NKAIN2: variants seen among roughly 807,000 people sequenced by gnomAD.
NKAIN2 encodes the protein sodium/potassium transporting ATPase interacting 2, also known as sodium/potassium-transporting ATPase subunit beta-1-interacting protein 2.
A neutral mutation model predicts 32.6 loss-of-function variants in NKAIN2; 14 were observed. That is an observed-to-expected ratio of 0.43 (90% CI 0.28 to 0.67). The LOEUF is 0.67. NKAIN2 is among the 30% of genes least tolerant of loss of function. The pLI, the probability that NKAIN2 is intolerant of heterozygous loss-of-function variation, is 0.17. For synonymous variants in NKAIN2, 80 were observed against 87.2 expected (o/e 0.92, Z 0.46); for missense variants, 198 against 258.3 (o/e 0.77, Z 1.60).
chr6:124,726,138 C>T (rs1161282619), intron 4 of NKAIN2, among the ~76,000 whole-genome samples: 11 of 152,186 alleles, frequency 7.2e-5, no homozygotes, highest in Non-Finnish European at 1.3e-4. Flanking sequence ...GGGAGGGGCG[C>T]CCACCATTGC....
chr6:123,874,229 C>T (rs1009512063), intron 1 of NKAIN2, among the ~76,000 whole-genome samples: 2 of 152,166 alleles, frequency 1.3e-5, no homozygotes, highest in African/African-American at 2.4e-5. Flanking sequence ...TTCCTTCCCT[C>T]TTCTGCTGAA....
At chr6:124,796,424 C>T (rs930009209) in intron 5 of NKAIN2, among the ~76,000 whole-genome samples, 2 of 152,136 alleles carry the variant, frequency 1.3e-5, no homozygotes, top group African/African-American at 4.8e-5. Context: ...AGGGGGATCA[C>T]AATTCAGTCC....
At chr6:124,240,320 A>G (rs552267412) in intron 1 of NKAIN2, among the ~76,000 whole-genome samples, 4 of 152,152 alleles carry the variant, frequency 2.6e-5, no homozygotes, top group African/African-American at 9.7e-5. Flanking sequence ...AGAGGTACAA[A>G]GAGAAGCTGG....
At chr6:124,789,235 G>C (rs371890243) in intron 4 of NKAIN2, among the ~76,000 whole-genome samples, 15 of 152,118 alleles carry the variant, frequency 9.9e-5, no homozygotes, top group African/African-American at 3.4e-4. Context: ...TTGTTACCTA[G>C]ATTTTCATTT....
chr6:124,476,049 AGAGAGAGAGAGAGAGAGTGTGTGT>A (rs1562208544), intron 3 of NKAIN2, among the ~76,000 whole-genome samples: 5 of 105,148 alleles, frequency 4.8e-5, no homozygotes, highest in African/African-American at 1.9e-4. Context: ...TGTGTGTGTG[AGAGAGAGAGAGAGAGAGTGTGTGT>A]GTGTGTGTGT....
chr6:124,622,291 A>G (rs1777377875), intron 3 of NKAIN2, among the ~76,000 whole-genome samples: 1 of 152,130 alleles, frequency 6.6e-6, no homozygotes. Context: ...TGCAGACCCT[A>G]TGTGAAAAAT....
intron 2 of NKAIN2, among the ~76,000 whole-genome samples, chr6:124,338,429 T>C (rs1797972570): frequency 6.6e-6 from 1 of 152,182 alleles, no homozygotes; most frequent in Admixed American, 6.5e-5. Flanking sequence ...TGTAATTCAT[T>C]ATTCTAACTA....
intron 3 of NKAIN2, among the ~76,000 whole-genome samples, chr6:124,399,043 C>T (rs772673478): frequency 1.3e-5 from 2 of 152,072 alleles, no homozygotes; most frequent in Non-Finnish European, 2.9e-5. Flanking sequence ...TCTCTTGCCT[C>T]ATTATCCTGA....
intron 3 of NKAIN2, among the ~76,000 whole-genome samples, chr6:124,527,149 C>G (rs1779349261): frequency 6.6e-6 from 1 of 152,230 alleles, no homozygotes; most frequent in East Asian, 1.9e-4. Context: ...CAATGCAAGT[C>G]TTGTGTTTAC....
At chr6:124,428,819 A>G (rs1256341843) in intron 3 of NKAIN2, among the ~76,000 whole-genome samples, 1 of 152,168 alleles carries the variant, frequency 6.6e-6, no homozygotes, top group African/African-American at 2.4e-5. Flanking sequence ...AGGTATGTGC[A>G]TCTCTAAGTA....
At chr6:124,094,172 C>T (rs937861478) in intron 1 of NKAIN2, among the ~76,000 whole-genome samples, 1 of 152,106 alleles carries the variant, frequency 6.6e-6, no homozygotes. Context: ...TGAATATTTA[C>T]AATACTTTTT....
intron 1 of NKAIN2, among the ~76,000 whole-genome samples, chr6:124,192,139 G>A (rs370324110): frequency 1.3e-3 from 193 of 151,942 alleles, no homozygotes; most frequent in African/African-American, 4.6e-3. Context: ...TACTCACTCT[G>A]GGCTACATTG....
At chr6:124,731,812 C>G (rs1776693100) in intron 4 of NKAIN2, among the ~76,000 whole-genome samples, 1 of 152,062 alleles carries the variant, frequency 6.6e-6, no homozygotes, top group South Asian at 2.1e-4. Flanking sequence ...TTCTAAGAAG[C>G]TATCTGGAAC....
intron 1 of NKAIN2, among the ~76,000 whole-genome samples, chr6:124,187,355 T>G (rs1288287874): frequency 2.6e-5 from 4 of 152,198 alleles, no homozygotes; most frequent in African/African-American, 9.6e-5. Flanking sequence ...CTCTCAAATG[T>G]CATGCTAGTT....
At chr6:124,755,756 T>C (rs1244123676) in intron 4 of NKAIN2, among the ~76,000 whole-genome samples, 1 of 152,046 alleles carries the variant, frequency 6.6e-6, no homozygotes, top group African/African-American at 2.4e-5. Context: ...AAATAACTAA[T>C]GGGCACTAGG....
At chr6:123,903,501 ATGGCCCTGGG>A (rs1247703745) in intron 1 of NKAIN2, among the ~76,000 whole-genome samples, 6 of 152,150 alleles carry the variant, frequency 3.9e-5, no homozygotes, top group Admixed American at 3.9e-4. Flanking sequence ...GTAGATAGGA[ATGGCCCTGGG>A]TGTTACTATC....
At chr6:123,971,333 T>C (rs1414630127) in intron 1 of NKAIN2, among the ~76,000 whole-genome samples, 2 of 151,390 alleles carry the variant, frequency 1.3e-5, no homozygotes, top group East Asian at 3.9e-4. Flanking sequence ...ATTTAAATTA[T>C]ATATTATATA....
chr6:124,815,004 T>G (rs564286539), intron 5 of NKAIN2, among the ~76,000 whole-genome samples: 1 of 151,820 alleles, frequency 6.6e-6, no homozygotes, highest in South Asian at 2.1e-4. Context: ...CCTTACTGTT[T>G]TTGTCTGCCC....
intron 5 of NKAIN2, among the ~76,000 whole-genome samples, chr6:124,806,555 C>A (rs879441419): frequency 1.3e-5 from 2 of 151,938 alleles, no homozygotes; most frequent in Admixed American, 6.6e-5. Context: ...TAAAGACCAT[C>A]GAGACTAGGA....
Sources: allele counts gnomAD v4.1 joint callset (sites outside exome capture counted in the v4.1 genomes callset), GRCh38; gene constraint gnomAD v4.1.1; transcripts MANE v1.5; gene names NCBI Gene and HGNC (gene_info 2026-07-23, HGNC 2026-07-21).